WSCD2: variants seen among roughly 807,000 people sequenced by gnomAD.
WSCD2 encodes WSC domain sialate O sulfotransferase 2, also known as sialate:O-sulfotransferase 2.
Under a neutral mutation model 55.7 loss-of-function variants are expected in WSCD2, and 28 were observed. The observed-to-expected ratio is 0.50, with a 90% confidence interval of 0.37 to 0.69. The LOEUF is 0.69. Ranked by LOEUF, WSCD2 falls within the 30% of genes least tolerant of loss-of-function variation. The pLI is 0.00. For synonymous variants in WSCD2, 301 were observed against 301.9 expected (o/e 1.00, Z 0.03); for missense variants, 616 against 762.1 (o/e 0.81, Z 2.26).
intron 7 of WSCD2, among the ~76,000 whole-genome samples, chr12:108,235,401 T>C (rs1889177905): frequency 6.6e-6 from 1 of 152,150 alleles, no homozygotes; most frequent in Admixed American, 6.5e-5. Flanking sequence ...TCTCAGACCA[T>C]TTCCATCAGA....
At chr12:108,133,904 G>A (rs936723229) in intron 1 of WSCD2, among the ~76,000 whole-genome samples, 1 of 152,304 alleles carries the variant, frequency 6.6e-6, no homozygotes, top group South Asian at 2.1e-4. Flanking sequence ...TGAACATCTC[G>A]ACAGCAGTGT....
chr12:108,206,795 TGTGTAG>T (rs968915220), intron 3 of WSCD2, among the ~76,000 whole-genome samples: 10 of 152,198 alleles, frequency 6.6e-5, no homozygotes, highest in Non-Finnish European at 1.2e-4. Flanking sequence ...TGTGCTTGTG[TGTGTAG>T]GTGTCTGATT....
At chr12:108,171,449 C>G (rs1880238192) in intron 1 of WSCD2, among the ~76,000 whole-genome samples, 1 of 152,100 alleles carries the variant, frequency 6.6e-6, no homozygotes, top group South Asian at 2.1e-4. Flanking sequence ...GTAAGGTGTG[C>G]TGGACATGTG....
intron 1 of WSCD2, chr12:108,131,903 C>T (rs1875561219): frequency 6.6e-6 from 1 of 152,238 alleles, no homozygotes; most frequent in South Asian, 2.1e-4. Flanking sequence ...TGTCTAGGGA[C>T]CAGGGCAGAG....
At chr12:108,187,890 T>C (rs1189006133) in intron 1 of WSCD2, among the ~76,000 whole-genome samples, 11 of 152,058 alleles carry the variant, frequency 7.2e-5, no homozygotes, top group Non-Finnish European at 5.9e-5. Flanking sequence ...CCACGTTTCC[T>C]CTCCGTGGCC....
intron 2 of WSCD2, chr12:108,196,995 T>C (rs1314264361): frequency 6.6e-6 from 1 of 152,218 alleles, no homozygotes; most frequent in Non-Finnish European, 1.5e-5. Context: ...GGAGTTTAAA[T>C]CTGATTCATC....
At chr12:108,158,047 G>A (rs992913248) in intron 1 of WSCD2, among the ~76,000 whole-genome samples, 22 of 152,182 alleles carry the variant, frequency 1.4e-4, no homozygotes, top group Middle Eastern at 3.4e-3. Flanking sequence ...TCCTACACTC[G>A]GCAGATTCCT....
intron 8 of WSCD2, among the ~76,000 whole-genome samples, chr12:108,247,567 T>C (rs993521927): frequency 5.3e-5 from 8 of 152,030 alleles, no homozygotes; most frequent in Non-Finnish European, 8.8e-5. Context: ...ATTCTTTTTG[T>C]TTTTTAGAGG....
intron 1 of WSCD2, among the ~76,000 whole-genome samples, chr12:108,143,848 G>A (rs147007782): frequency 3.0e-4 from 46 of 152,216 alleles, no homozygotes; most frequent in East Asian, 2.3e-3. Flanking sequence ...GTTTATCAGC[G>A]GAAAGCTGTG....
intron 3 of WSCD2, among the ~76,000 whole-genome samples, chr12:108,207,086 TA>T (rs59372742): frequency 0.065 from 9,947 of 152,212 alleles, 477 homozygotes; most frequent in African/African-American, 0.13. Context: ...GCACTGGGAC[TA>T]GGGGGGAGTG....
chr12:108,191,525 G>A (rs148557322), intron 1 of WSCD2, among the ~76,000 whole-genome samples: 329 of 152,296 alleles, frequency 2.2e-3, no homozygotes, highest in African/African-American at 7.6e-3. Flanking sequence ...TAACACAAAT[G>A]CTACCTCCAC....
At position 108,210,304 on chromosome 12, in the gene WSCD2, G is replaced by A. The variant is rs1259085743; in HGVS notation, c.681G>A (p.Arg227=). ...RLQLAQESAR[R]YGSAVFRGCF... is the part of the protein sequence containing the mutation. ...AGCTGGCCCAGGAGTCGGCCCGCAG[G>A]TGTACGTGAGTCTGCCCTGCCCCTC... is the stretch of plus-strand genomic sequence containing the variant. The change falls in exon 4 of 9, where the codon AGG becomes AGA. Residue 227 remains arginine, a splice_region_variant and synonymous_variant. Coordinates refer to ENST00000547525, the MANE Select transcript of WSCD2 (RefSeq NM_014653.4). The surrounding 1 kb of genome is among the most constrained non-coding windows in gnomAD (Gnocchi z 4.3). 7.0e-6 allele frequency: 11 copies of A among 1,572,298 alleles called. No individual in the cohort carries two copies. Among genetic ancestry groups the A allele is most frequent in the African/African-American group, 1.4e-5 (1 of 74,008 alleles).
At chr12:108,215,366 TA>T (rs1196770394) in intron 4 of WSCD2, among the ~76,000 whole-genome samples, 2 of 152,316 alleles carry the variant, frequency 1.3e-5, no homozygotes, top group African/African-American at 4.8e-5. Context: ...GCTTCGTCTA[TA>T]AAATGAAGAC....
At chr12:108,182,864 G>A (rs1464749900) in intron 1 of WSCD2, among the ~76,000 whole-genome samples, 1 of 151,680 alleles carries the variant, frequency 6.6e-6, no homozygotes, top group Admixed American at 6.6e-5. Flanking sequence ...TGCACAGAAC[G>A]GACCCTAGTA....
chr12:108,226,382 G>A (rs1411895034), intron 5 of WSCD2, among the ~76,000 whole-genome samples: 1 of 151,964 alleles, frequency 6.6e-6, no homozygotes, highest in Non-Finnish European at 1.5e-5. Flanking sequence ...ATCTCCTTTG[G>A]CTTAAAAGAG....
chr12:108,153,338 G>A (rs918265300), intron 1 of WSCD2, among the ~76,000 whole-genome samples: 1 of 152,182 alleles, frequency 6.6e-6, no homozygotes, highest in Non-Finnish European at 1.5e-5. Flanking sequence ...GATCTCTGTA[G>A]CCCCATACTC....
At chr12:108,139,495 T>A (rs1876560963) in intron 1 of WSCD2, among the ~76,000 whole-genome samples, 2 of 152,180 alleles carry the variant, frequency 1.3e-5, no homozygotes, top group Admixed American at 1.3e-4. Flanking sequence ...GTGAGCGAAT[T>A]CGAAGCTGTG....
intron 6 of WSCD2, among the ~76,000 whole-genome samples, chr12:108,227,432 G>C (rs560420448): frequency 1.3e-5 from 2 of 152,352 alleles, no homozygotes; most frequent in South Asian, 4.1e-4. Context: ...AATGAGAAGA[G>C]AGACTGAGTC....
intron 3 of WSCD2, 140 bp from the exon 4 acceptor site, chr12:108,209,981 C>A: frequency 8.4e-7 from 1 of 1,188,532 alleles, no homozygotes; most frequent in Non-Finnish European, 1.2e-6. Flanking sequence ...TTGCCCCAAC[C>A]TCCCATCAGC....
Sources: gnomAD v4.1 joint callset for allele counts (sites outside exome capture counted in the v4.1 genomes callset) on GRCh38, gnomAD v4.1.1 for gene constraint, Gnocchi (gnomAD v3.1) non-coding constraint, MANE v1.5 for transcripts, NCBI Gene and HGNC (gene_info 2026-07-23, HGNC 2026-07-21) for gene names.